The following NRG3 variants were observed in gnomAD, a reference collection of about 807,000 sequenced individuals.
NRG3 encodes the protein neuregulin 3, also known as pro-neuregulin-3, membrane-bound isoform.
Under a neutral mutation model 66.9 loss-of-function variants are expected in NRG3, and 31 were observed. The observed-to-expected ratio is 0.46, with a 90% CI of 0.35 to 0.63. The LOEUF (loss-of-function observed/expected upper bound fraction) is 0.63. Ranked by LOEUF, NRG3 falls within the 20% of genes least tolerant of loss-of-function variation. The pLI is 0.00. For synonymous variants in NRG3, 393 were observed against 359.4 expected (o/e 1.09, Z -1.06); for missense variants, 910 against 878.9 (o/e 1.04, Z -0.45).
intron 1 of NRG3, among the ~76,000 whole-genome samples, chr10:81,948,526 G>A (rs919789201): frequency 6.6e-6 from 1 of 152,178 alleles, no homozygotes; most frequent in Non-Finnish European, 1.5e-5. Context: ...TCTTGTCTGC[G>A]TTTAGCCCTT....
intron 2 of NRG3, among the ~76,000 whole-genome samples, chr10:82,518,420 G>A (rs575824009): frequency 3.3e-5 from 5 of 152,234 alleles, no homozygotes; most frequent in African/African-American, 1.2e-4. Flanking sequence ...TGCTACCGTG[G>A]AGCTTTCAAT....
At chr10:82,771,905 T>G (rs1405753058) in intron 3 of NRG3, among the ~76,000 whole-genome samples, 2 of 152,164 alleles carry the variant, frequency 1.3e-5, no homozygotes, top group Non-Finnish European at 2.9e-5. Context: ...GATTTCTCCC[T>G]CTTACTTAAC....
At chr10:81,881,726 G>A (rs1481653845) in intron 1 of NRG3, among the ~76,000 whole-genome samples, 1 of 152,040 alleles carries the variant, frequency 6.6e-6, no homozygotes, top group East Asian at 1.9e-4. Context: ...ACAACATTCA[G>A]CCTCCCATGT....
At chr10:82,608,003 A>AT (rs1163468088) in intron 2 of NRG3, among the ~76,000 whole-genome samples, 4 of 152,102 alleles carry the variant, frequency 2.6e-5, no homozygotes, top group Non-Finnish European at 5.9e-5. Context: ...AAAAGGAAAG[A>AT]TTTTATCTTT....
At chr10:82,532,848 AT>A (rs1320861394) in intron 2 of NRG3, among the ~76,000 whole-genome samples, 1 of 150,880 alleles carries the variant, frequency 6.6e-6, no homozygotes, top group East Asian at 2.0e-4. Flanking sequence ...AAACCTCCAA[AT>A]TTTTTCCATT....
At chr10:82,087,793 C>T (rs193051029) in intron 1 of NRG3, among the ~76,000 whole-genome samples, 4 of 152,234 alleles carry the variant, frequency 2.6e-5, no homozygotes, top group Admixed American at 1.3e-4. Context: ...TCTCAAAGGT[C>T]ATGTGTAATC....
chr10:82,567,974 A>G (rs1240438565), intron 2 of NRG3, among the ~76,000 whole-genome samples: 1 of 151,950 alleles, frequency 6.6e-6, no homozygotes, highest in African/African-American at 2.4e-5. Context: ...TCCTGGAGTG[A>G]GACACCCTGT....
At chr10:82,651,755 G>C (rs2051433830) in intron 2 of NRG3, among the ~76,000 whole-genome samples, 2 of 152,164 alleles carry the variant, frequency 1.3e-5, no homozygotes, top group East Asian at 3.9e-4. Context: ...ATGGTTGGAG[G>C]CCATGGATGC....
rs182970870 is a variant in NRG3, at chr10:81,958,907, C to G, written c.823+82744C>G. ...CTCTGTCTCAAAGAAAAAAAAATAA[C>G]AAAACCAAAACCAGATATACAGTCT... On this transcript the variant is annotated intron_variant, in intron 1 of 8. Coordinates refer to ENST00000372141, the MANE Select transcript of NRG3 (RefSeq NM_001010848.4). 3.3e-4 allele frequency among the ~76,000 whole-genome samples: 50 copies of G among 151,902 alleles called. 1 individual carries two copies. The East Asian group carries it at 8.0e-3, about 24-fold the overall frequency.
intron 1 of NRG3, among the ~76,000 whole-genome samples, chr10:82,262,183 C>G (rs911990735): frequency 1.3e-5 from 2 of 152,124 alleles, no homozygotes; most frequent in African/African-American, 4.8e-5. Context: ...TGGACTAATA[C>G]AGTAGTCATC....
At chr10:82,233,634 C>T (rs1046972412) in intron 1 of NRG3, among the ~76,000 whole-genome samples, 1 of 151,950 alleles carries the variant, frequency 6.6e-6, no homozygotes, top group Non-Finnish European at 1.5e-5. Flanking sequence ...GCCTCTTTGC[C>T]CCATGAATTT....
intron 2 of NRG3, among the ~76,000 whole-genome samples, chr10:82,383,094 G>A (rs1036758812): frequency 3.9e-5 from 6 of 151,906 alleles, no homozygotes; most frequent in Admixed American, 1.3e-4. Flanking sequence ...GGCAATTTGT[G>A]TAACACTGGT....
At chr10:82,349,804 T>C (rs2083303436) in intron 1 of NRG3, among the ~76,000 whole-genome samples, 2 of 152,218 alleles carry the variant, frequency 1.3e-5, no homozygotes, top group Admixed American at 1.3e-4. Context: ...AAGCGCAGTA[T>C]TCGGGTGGGA....
chr10:81,917,407 G>C (rs1292727536), intron 1 of NRG3, among the ~76,000 whole-genome samples: 1 of 152,054 alleles, frequency 6.6e-6, no homozygotes, highest in Admixed American at 6.6e-5. Flanking sequence ...ACACAAAATA[G>C]CTCCTCAAAA....
chr10:82,210,546 G>C (rs907580201), intron 1 of NRG3, among the ~76,000 whole-genome samples: 1 of 152,126 alleles, frequency 6.6e-6, no homozygotes, highest in African/African-American at 2.4e-5. Context: ...AAGAGCACAG[G>C]GTGCTGCAAG....
chr10:81,931,685 A>G (rs925197602), intron 1 of NRG3, among the ~76,000 whole-genome samples: 8 of 152,194 alleles, frequency 5.3e-5, no homozygotes, highest in African/African-American at 1.9e-4. Context: ...CTAAAAGCCC[A>G]ACTAAACAAA....
At chr10:82,278,402 G>A (rs558745263) in intron 1 of NRG3, among the ~76,000 whole-genome samples, 1 of 152,134 alleles carries the variant, frequency 6.6e-6, no homozygotes, top group Non-Finnish European at 1.5e-5. Context: ...ATAGCTATAG[G>A]GGAAGGTTAT....
At chr10:82,173,491 C>A (rs1237261699) in intron 1 of NRG3, among the ~76,000 whole-genome samples, 2 of 151,990 alleles carry the variant, frequency 1.3e-5, no homozygotes, top group African/African-American at 4.8e-5. Flanking sequence ...CCTATTAAAA[C>A]ATAGCAACAC....
At chr10:82,805,052 C>A (rs1241868480) in intron 3 of NRG3, among the ~76,000 whole-genome samples, 1 of 152,152 alleles carries the variant, frequency 6.6e-6, no homozygotes, top group East Asian at 1.9e-4. Context: ...TTAGTCAGTG[C>A]TATTCAAATG....
Sources: gnomAD v4.1 joint callset for allele counts (sites outside exome capture counted in the v4.1 genomes callset) on GRCh38, gnomAD v4.1.1 for gene constraint, MANE v1.5 for transcripts, NCBI Gene and HGNC (gene_info 2026-07-23, HGNC 2026-07-21) for gene names.